The following UNC5C variants were observed in gnomAD, a reference collection of about 807,000 sequenced individuals.
The protein encoded by UNC5C is unc-5 netrin receptor C.
Under a neutral mutation model 99.8 loss-of-function variants are expected in UNC5C, and 47 were observed. That is an observed-to-expected ratio of 0.47 (90% CI 0.37 to 0.60). The LOEUF (loss-of-function observed/expected upper bound fraction) is 0.60, where lower values mean the gene tolerates loss of function less well. Ranked by LOEUF, UNC5C falls within the 20% of genes least tolerant of loss-of-function variation. The pLI is 0.00. For synonymous variants in UNC5C, 487 were observed against 452.2 expected, an observed-to-expected ratio of 1.08 and a Z score of -0.98; for missense variants, 1,062 against 1,165.9, an observed-to-expected ratio of 0.91 and a Z score of 1.30.
At position 95,163,974 on chromosome 4, in the gene UNC5C, G is replaced by C. The variant is rs1478087912; in HGVS notation, c.*5260C>G. On this transcript the variant is annotated 3_prime_UTR_variant, in exon 16 of 16. Coordinates refer to ENST00000453304, the MANE Select transcript of UNC5C (RefSeq NM_003728.4). ...TGATGCCCCCCAACCATGCTAAATA[G>C]GTCTGAGGCACACATTACATTTGGT... The C allele has an allele frequency of 1.3e-5, 2 of 152,162 alleles. No homozygotes were observed. The highest frequency in any genetic ancestry group is 2.9e-5 in the Non-Finnish European group (2 of 68,058). 9.4% of individuals were successfully genotyped at this position (152,162 alleles called of 1,614,324 possible). A position where few individuals can be genotyped will look rare whatever the true frequency, so the allele number is the denominator to read the frequency against.
At chr4:95,382,932 G>T (rs1745111080) in intron 1 of UNC5C, among the ~76,000 whole-genome samples, 1 of 152,158 alleles carries the variant, frequency 6.6e-6, no homozygotes, top group African/African-American at 2.4e-5. Flanking sequence ...TGGGCTATCA[G>T]TCTTGTGGGC....
intron 1 of UNC5C, among the ~76,000 whole-genome samples, chr4:95,378,487 A>G (rs2149441014): frequency 6.6e-6 from 1 of 152,334 alleles, no homozygotes; most frequent in African/African-American, 2.4e-5. Context: ...ATTTACTTAA[A>G]CAAACACAAT....
At chr4:95,294,659 C>A (rs1320302445) in intron 3 of UNC5C, among the ~76,000 whole-genome samples, 2 of 152,154 alleles carry the variant, frequency 1.3e-5, no homozygotes, top group Admixed American at 1.3e-4. Flanking sequence ...CAGAGAATTT[C>A]AACCTCTAGG....
intron 1 of UNC5C, among the ~76,000 whole-genome samples, chr4:95,413,259 T>C (rs1475598747): frequency 6.6e-6 from 1 of 152,166 alleles, no homozygotes; most frequent in Non-Finnish European, 1.5e-5. Context: ...CCTCCTCTGC[T>C]TCCAGGATCT....
chr4:95,189,393 C>T (rs1235552953), intron 12 of UNC5C, among the ~76,000 whole-genome samples: 2 of 152,310 alleles, frequency 1.3e-5, no homozygotes, highest in Non-Finnish European at 2.9e-5. Flanking sequence ...TCAGGCAGTC[C>T]TCCCACCTCA....
At position 95,163,050 on chromosome 4, in the gene UNC5C, T is replaced by C. The variant is rs1215211799; in HGVS notation, c.*6184A>G. On this transcript the variant is annotated 3_prime_UTR_variant, in exon 16 of 16. Coordinates refer to ENST00000453304, the MANE Select transcript of UNC5C (RefSeq NM_003728.4). ...ATTAAACTCAACACATATAACACCATGACATCACACACACACAGTGATGTT... is the reference window on the plus strand; with the variant it reads ...ATTAAACTCAACACATATAACACCACGACATCACACACACACAGTGATGTT... 1 of 152,186 alleles carries C rather than the reference T, an allele frequency of 6.6e-6. No homozygotes were observed. Among genetic ancestry groups the C allele is most frequent in the Non-Finnish European group, 1.5e-5 (1 of 68,032 alleles). 9.4% of individuals were successfully genotyped at this position (152,186 alleles called of 1,614,324 possible).
At chr4:95,209,444 A>C (rs1738000388) in intron 10 of UNC5C, among the ~76,000 whole-genome samples, 2 of 152,104 alleles carry the variant, frequency 1.3e-5, no homozygotes, top group Non-Finnish European at 1.5e-5. Flanking sequence ...CTTATTCTGA[A>C]ATTGCACCAG....
intron 1 of UNC5C, among the ~76,000 whole-genome samples, chr4:95,394,651 C>CTCTGTGTG (rs1745457822): frequency 6.8e-6 from 1 of 147,634 alleles, no homozygotes. Flanking sequence ...AAGGTATTTG[C>CTCTGTGTG]TGTGTGTGTG....
intron 1 of UNC5C, among the ~76,000 whole-genome samples, chr4:95,400,539 C>T (rs953476825): frequency 4.6e-5 from 7 of 151,796 alleles, no homozygotes; most frequent in African/African-American, 1.7e-4. Flanking sequence ...ACTACAGGTG[C>T]CCGCCACCAC....
intron 2 of UNC5C, among the ~76,000 whole-genome samples, chr4:95,310,978 A>C (rs1742255202): frequency 6.6e-6 from 1 of 152,190 alleles, no homozygotes; most frequent in South Asian, 2.1e-4. Context: ...TGCGAGCATC[A>C]GGTTTTGAGT....
intron 3 of UNC5C, among the ~76,000 whole-genome samples, chr4:95,299,308 G>A (rs150876678): frequency 0.015 from 2,300 of 152,234 alleles, 23 homozygotes; most frequent in Non-Finnish European, 0.022. Flanking sequence ...CAAGAAGAGC[G>A]GCCTCAGGAG....
At chr4:95,237,310 A>T (rs905135995) in intron 7 of UNC5C, among the ~76,000 whole-genome samples, 6 of 152,196 alleles carry the variant, frequency 3.9e-5, no homozygotes, top group Non-Finnish European at 7.4e-5. Flanking sequence ...TGATAACTTT[A>T]AAACTCTTGA....
At chr4:95,446,081 G>C (rs1358636209) in intron 1 of UNC5C, among the ~76,000 whole-genome samples, 2 of 152,118 alleles carry the variant, frequency 1.3e-5, no homozygotes, top group African/African-American at 2.4e-5. Flanking sequence ...TTTGTCTCAA[G>C]AGAGTGCCTA....
At chr4:95,468,573 T>C (rs1747869741) in intron 1 of UNC5C, among the ~76,000 whole-genome samples, 2 of 152,198 alleles carry the variant, frequency 1.3e-5, no homozygotes, top group African/African-American at 4.8e-5. Flanking sequence ...ATTTACTGTT[T>C]GAGGCTTGAT....
At chr4:95,438,730 C>A (rs188615709) in intron 1 of UNC5C, among the ~76,000 whole-genome samples, 2 of 152,262 alleles carry the variant, frequency 1.3e-5, no homozygotes, top group East Asian at 3.9e-4. Context: ...CATTCTGCAT[C>A]TGATGAATCT....
rs1735871550 is a variant in UNC5C at position 95,166,766 on chromosome 4, T to A, written c.*2468A>T. ...ACAAGTTTATTTCAAAATGTAGGAA[T>A]GGACAATAGCTCTCTTTCCTCCTCC... On this transcript the variant is annotated 3_prime_UTR_variant, in exon 16 of 16. Transcript: ENST00000453304. The A allele has an allele frequency of 6.6e-6, 1 of 152,190 alleles. No homozygotes were observed. Among genetic ancestry groups the A allele is most frequent in the African/African-American group, 2.4e-5 (1 of 41,454 alleles). The allele number at this position is 152,190 out of a possible 1,614,324, so 9.4% of individuals were successfully genotyped here.
At chr4:95,320,102 A>G (rs1380048084) in intron 2 of UNC5C, among the ~76,000 whole-genome samples, 1 of 152,120 alleles carries the variant, frequency 6.6e-6, no homozygotes, top group Non-Finnish European at 1.5e-5. Context: ...TTGTATGACA[A>G]CCCCAAACTT....
chr4:95,482,569 T>C (rs1408985391), intron 1 of UNC5C, among the ~76,000 whole-genome samples: 90 of 149,050 alleles, frequency 6.0e-4, no homozygotes, highest in African/African-American at 1.7e-3. Context: ...CGTATGTTTA[T>C]TGCTGCACTA....
intron 7 of UNC5C, chr4:95,222,127 A>G: frequency 1.0e-6 from 1 of 999,950 alleles, no homozygotes; most frequent in Non-Finnish European, 1.4e-6. Context: ...GCACATCTGT[A>G]ATCCGAAGAA....
Sources: allele counts gnomAD v4.1 joint callset (sites outside exome capture counted in the v4.1 genomes callset), GRCh38; gene constraint gnomAD v4.1.1; transcripts MANE v1.5; gene names NCBI Gene and HGNC (gene_info 2026-07-23, HGNC 2026-07-21).